The following CGNL1 variants were observed in gnomAD, a reference collection of about 807,000 sequenced individuals.
The protein encoded by CGNL1 is cingulin like 1.
In CGNL1, 132 loss-of-function variants were observed where a neutral mutation model predicts 141.2. That is an observed-to-expected ratio of 0.93 (90% confidence interval 0.81 to 1.08). The LOEUF is 1.08. Among genes scored for constraint, CGNL1 ranks in the 50% least tolerant of loss-of-function variants. The pLI, the probability that CGNL1 is intolerant of heterozygous loss-of-function variation, is 0.00. For missense variants in CGNL1, 1,870 were observed against 1,588.6 expected, an observed-to-expected ratio of 1.18 and a Z score of -3.01; for synonymous variants, 690 against 622.1, an observed-to-expected ratio of 1.11 and a Z score of -1.63.
At chr15:57,514,228 T>C (rs2030583114) in intron 8 of CGNL1, among the ~76,000 whole-genome samples, 1 of 152,176 alleles carries the variant, frequency 6.6e-6, no homozygotes, top group Admixed American at 6.5e-5. Flanking sequence ...CTCGGCTCAC[T>C]GCAATCTCTG....
At chr15:57,454,029 T>C (rs1230694810) in intron 7 of CGNL1, among the ~76,000 whole-genome samples, 1 of 152,208 alleles carries the variant, frequency 6.6e-6, no homozygotes, top group Non-Finnish European at 1.5e-5. Flanking sequence ...GTATTCTCTC[T>C]TCTCTAGATT....
intron 12 of CGNL1, 27 bp from the exon 13 acceptor site, chr15:57,528,627 A>G (rs752727049): frequency 1.6e-5 from 26 of 1,612,490 alleles, no homozygotes; most frequent in Middle Eastern, 1.6e-4. Context: ...CACCCCAGAA[A>G]ACCATCCCAG....
At chr15:57,451,692 C>A in intron 5 of CGNL1, 91 bp downstream of exon 5, 1 of 878,936 alleles carries the variant, frequency 1.1e-6, no homozygotes, top group Non-Finnish European at 1.7e-6. Flanking sequence ...AGAGTGAAAG[C>A]CAATTTTTTT....
intron 14 of CGNL1, among the ~76,000 whole-genome samples, chr15:57,541,850 CT>C (rs2032582401): frequency 6.6e-6 from 1 of 152,214 alleles, no homozygotes; most frequent in Admixed American, 6.5e-5. Flanking sequence ...ATTTAGATGC[CT>C]GCCAGTTAGG....
intron 7 of CGNL1, among the ~76,000 whole-genome samples, chr15:57,460,824 C>T (rs1285887150): frequency 6.6e-6 from 1 of 152,110 alleles, no homozygotes; most frequent in African/African-American, 2.4e-5. Context: ...CAAACCATGT[C>T]AATAACTGAT....
intron 8 of CGNL1, among the ~76,000 whole-genome samples, chr15:57,463,877 C>G (rs1243676342): frequency 1.3e-5 from 2 of 152,334 alleles, no homozygotes; most frequent in East Asian, 1.9e-4. Flanking sequence ...AATGTCCTCT[C>G]TTTTATGAAC....
chr15:57,399,091 G>A (rs1226716079), intron 1 of CGNL1, among the ~76,000 whole-genome samples: 1 of 152,178 alleles, frequency 6.6e-6, no homozygotes, highest in African/African-American at 2.4e-5. Context: ...TATATAAAGT[G>A]CTCAGAGAGG....
intron 10 of CGNL1, among the ~76,000 whole-genome samples, chr15:57,518,854 G>C (rs1443746363): frequency 6.6e-6 from 1 of 152,224 alleles, no homozygotes; most frequent in Non-Finnish European, 1.5e-5. Flanking sequence ...AGAGCCCTCC[G>C]TTTAGACGTT....
chr15:57,430,552 T>C (rs1250855468), intron 1 of CGNL1, among the ~76,000 whole-genome samples: 2 of 152,272 alleles, frequency 1.3e-5, no homozygotes, highest in East Asian at 1.9e-4. Context: ...AGTGGTGATA[T>C]ATGTGCTAAT....
intron 8 of CGNL1, among the ~76,000 whole-genome samples, chr15:57,487,525 T>C (rs1385025249): frequency 6.6e-6 from 1 of 152,206 alleles, no homozygotes. Context: ...TCTCTGATAT[T>C]GGTAATAATA....
At chr15:57,378,979 G>A (rs1397103324) in intron 1 of CGNL1, among the ~76,000 whole-genome samples, 1 of 152,098 alleles carries the variant, frequency 6.6e-6, no homozygotes, top group Non-Finnish European at 1.5e-5. Flanking sequence ...CTTACAGGGT[G>A]TCCCCTGACC....
At chr15:57,540,310 C>A (rs762403454) in intron 14 of CGNL1, among the ~76,000 whole-genome samples, 8 of 152,170 alleles carry the variant, frequency 5.3e-5, no homozygotes, top group Non-Finnish European at 1.0e-4. Flanking sequence ...GCTGGGGAGG[C>A]CTTATGATCA....
chr15:57,423,004 G>C (rs1307758204), intron 1 of CGNL1, among the ~76,000 whole-genome samples: 2 of 152,136 alleles, frequency 1.3e-5, no homozygotes, highest in Non-Finnish European at 2.9e-5. Context: ...GGGGGTAGAA[G>C]GTAGGCATGA....
chr15:57,462,484 C>T (rs2063459976), intron 8 of CGNL1, among the ~76,000 whole-genome samples: 2 of 152,060 alleles, frequency 1.3e-5, no homozygotes, highest in African/African-American at 4.8e-5. Flanking sequence ...TTGGGGCAGA[C>T]GTCATACTGG....
chr15:57,487,366 C>CAA lies in CGNL1; in HGVS notation c.2403+25480_2403+25481dup, dbSNP rs35929754. Among the ~76,000 whole-genome samples, 32 of 151,506 alleles carry CAA rather than the reference C, an allele frequency of 2.1e-4. 1 individual carries two copies. The highest frequency in any genetic ancestry group is 2.1e-4 in the South Asian group (1 of 4,808). On this transcript the variant is annotated intron_variant, in intron 8 of 18. Transcript: ENST00000281282. The stretch of plus-strand genomic sequence containing the variant: ...TTACTTATTTTCAGGTATACAGAGT[C>CAA]AAAAAAAGGTAAAAGAGGAGGATTG...
At chr15:57,534,355 G>A (rs1289450937) in intron 14 of CGNL1, among the ~76,000 whole-genome samples, 7 of 152,192 alleles carry the variant, frequency 4.6e-5, no homozygotes, top group Non-Finnish European at 8.8e-5. Flanking sequence ...AAACAGAAAC[G>A]CTGATGTCTC....
At chr15:57,433,182 A>G (rs1331600606) in intron 1 of CGNL1, among the ~76,000 whole-genome samples, 3 of 150,268 alleles carry the variant, frequency 2.0e-5, no homozygotes, top group Non-Finnish European at 4.4e-5. Flanking sequence ...GCAGAATAAA[A>G]TATGCCAATG....
chr15:57,483,468 C>CTTTTTT (rs60667956), intron 8 of CGNL1, among the ~76,000 whole-genome samples: 15 of 127,806 alleles, frequency 1.2e-4, no homozygotes, highest in Non-Finnish European at 1.8e-4. Flanking sequence ...ACAAAGTTTT[C>CTTTTTT]TTTTTTTTTT....
intron 8 of CGNL1, among the ~76,000 whole-genome samples, chr15:57,506,466 T>C (rs2064104483): frequency 6.6e-6 from 1 of 152,160 alleles, no homozygotes; most frequent in South Asian, 2.1e-4. Context: ...TAAGGAATGG[T>C]GTTAAAAAAA....
Sources: allele counts gnomAD v4.1 joint callset (sites outside exome capture counted in the v4.1 genomes callset), GRCh38; gene constraint gnomAD v4.1.1; transcripts MANE v1.5; gene names NCBI Gene and HGNC (gene_info 2026-07-23, HGNC 2026-07-21).